Variants in PLEKHF2 observed in about 807,000 individuals in gnomAD.
The protein encoded by PLEKHF2 is pleckstrin homology domain-containing family F member 2.
PLEKHF2 carries 4 observed loss-of-function variants against 14.7 expected under a neutral mutation model. The ratio of observed to expected loss-of-function variants is 0.27; its 90% CI spans 0.13 to 0.62. The LOEUF is 0.62. Ranked by LOEUF, PLEKHF2 falls within the 20% of genes least tolerant of loss-of-function variation. PLEKHF2 has a pLI of 0.85. For missense variants in PLEKHF2, 201 were observed against 307.7 expected (o/e 0.65, Z 2.60); for synonymous variants, 90 against 103.5 (o/e 0.87, Z 0.79).
At chr8:95,134,080 G>A (rs1324271642) in intron 1 of PLEKHF2, 50 bp downstream of exon 1, 2 of 151,792 alleles carry the variant, frequency 1.3e-5, no homozygotes, top group African/African-American at 4.8e-5. Flanking sequence ...GGGCCGGGAG[G>A]GGAGACGCGA....
intron 1 of PLEKHF2, among the ~76,000 whole-genome samples, chr8:95,146,778 C>G (rs1810504990): frequency 6.6e-6 from 1 of 151,398 alleles, no homozygotes; most frequent in Admixed American, 6.6e-5. Context: ...TGTGAATTAA[C>G]ACTGCCAGGC....
chr8:95,151,334 AT>A (rs1810561381), intron 1 of PLEKHF2, among the ~76,000 whole-genome samples: 1 of 151,986 alleles, frequency 6.6e-6, no homozygotes, highest in African/African-American at 2.4e-5. Context: ...TCAGTAGTTG[AT>A]TCAGGTGGAG....
intron 1 of PLEKHF2, among the ~76,000 whole-genome samples, chr8:95,153,266 A>C (rs1810581203): frequency 6.6e-6 from 1 of 152,138 alleles, no homozygotes; most frequent in Non-Finnish European, 1.5e-5. Context: ...CGATTACCTA[A>C]ACTAAGTCTC....
intron 1 of PLEKHF2, among the ~76,000 whole-genome samples, chr8:95,153,689 T>C (rs1399248488): frequency 6.6e-6 from 1 of 152,218 alleles, no homozygotes; most frequent in Non-Finnish European, 1.5e-5. Context: ...CCCATTGAGA[T>C]TACATTTCAT....
At chr8:95,137,225 C>T (rs1587302783) in intron 1 of PLEKHF2, among the ~76,000 whole-genome samples, 1 of 152,144 alleles carries the variant, frequency 6.6e-6, no homozygotes, top group Non-Finnish European at 1.5e-5. Context: ...GTGAGGGTCA[C>T]CCAAGATTCG....
At chr8:95,146,544 C>A (rs1176962243) in intron 1 of PLEKHF2, among the ~76,000 whole-genome samples, 1 of 143,280 alleles carries the variant, frequency 7.0e-6, no homozygotes, top group East Asian at 2.0e-4. Context: ...TTTTTATCTT[C>A]TAGTATTACA....
chr8:95,146,024 G>A (rs925469604), intron 1 of PLEKHF2, among the ~76,000 whole-genome samples: 10 of 151,844 alleles, frequency 6.6e-5, no homozygotes, highest in African/African-American at 2.2e-4. Context: ...TTACATTTTC[G>A]GTAAAGTTTC....
intron 1 of PLEKHF2, among the ~76,000 whole-genome samples, chr8:95,145,524 A>C (rs952063855): frequency 6.6e-6 from 1 of 151,916 alleles, no homozygotes; most frequent in Non-Finnish European, 1.5e-5. Context: ...CTCGGGTTCA[A>C]GCCATTCTCC....
chr8:95,149,119 T>G (rs1810532042), intron 1 of PLEKHF2, among the ~76,000 whole-genome samples: 1 of 152,126 alleles, frequency 6.6e-6, no homozygotes, highest in Non-Finnish European at 1.5e-5. Flanking sequence ...AATAAACACA[T>G]TAGAAAATCA....
chr8:95,134,095 T>C (rs1391109196), intron 1 of PLEKHF2, 65 bp downstream of exon 1: 5 of 148,670 alleles, frequency 3.4e-5, no homozygotes, highest in Admixed American at 6.7e-5. Flanking sequence ...ACGCGAAACT[T>C]TCCGGGCGCT....
chr8:95,135,445 C>G (rs1478477222), intron 1 of PLEKHF2, among the ~76,000 whole-genome samples: 1 of 151,936 alleles, frequency 6.6e-6, no homozygotes, highest in Non-Finnish European at 1.5e-5. Flanking sequence ...TGTCTGTCGC[C>G]CAGGCTGGAG....
At chr8:95,144,500 A>G (rs757888574) in intron 1 of PLEKHF2, among the ~76,000 whole-genome samples, 5 of 152,172 alleles carry the variant, frequency 3.3e-5, no homozygotes, top group African/African-American at 7.2e-5. Context: ...AATACATAAT[A>G]TAGGTCCATA....
At chr8:95,145,590 A>AT (rs1225298388) in intron 1 of PLEKHF2, among the ~76,000 whole-genome samples, 2 of 151,828 alleles carry the variant, frequency 1.3e-5, no homozygotes, top group African/African-American at 4.8e-5. Context: ...CGCCTGGCTA[A>AT]TTTTTTTGTG....
chr8:95,134,675 G>A (rs993092044), intron 1 of PLEKHF2, among the ~76,000 whole-genome samples: 5 of 152,186 alleles, frequency 3.3e-5, no homozygotes, highest in Non-Finnish European at 4.4e-5. Context: ...CCGAGAGCGC[G>A]CTGCCGGTGT....
chr8:95,152,158 A>C (rs1810571272), intron 1 of PLEKHF2, among the ~76,000 whole-genome samples: 1 of 152,076 alleles, frequency 6.6e-6, no homozygotes, highest in African/African-American at 2.4e-5. Flanking sequence ...CCCCACCTAA[A>C]GATCTTGAGC....
rs1810601014 is a variant in PLEKHF2, at chr8:95,154,976, A to G, written c.*182A>G. ...GTCCCCCTGCCTTCTCCCACTCCTC[A>G]CACTCTTCTACAGGGATAGGCTTTT... On this transcript the variant is annotated 3_prime_UTR_variant, in exon 2 of 2. Coordinates refer to ENST00000315367, the MANE Select transcript of PLEKHF2 (RefSeq NM_024613.4). The surrounding 1 kb of genome is among the most constrained non-coding windows in gnomAD (Gnocchi z 5.6). 4 of 654,638 alleles carry G rather than the reference A, an allele frequency of 6.1e-6. No individual in the cohort carries two copies. In the South Asian group the frequency reaches 8.4e-5, roughly 14 times the overall value. 40.6% of individuals were successfully genotyped at this position (654,638 alleles called of 1,614,324 possible). A position where few individuals can be genotyped will look rare whatever the true frequency, so the allele number is the denominator to read the frequency against.
chr8:95,154,596 G>T lies in PLEKHF2; in HGVS notation c.552G>T (p.Gly184=). ...HCRKCGFVVC[G]PCSEKRFLLP... ...GCAAATGTGGTTTTGTTGTCTGTGG[G>T]CCCTGCTCTGAAAAGAGATTTCTTC... Residue 184 remains glycine (G), a synonymous_variant, in exon 2 of 2, where the codon GGG becomes GGT. Coordinates refer to ENST00000315367, the MANE Select transcript of PLEKHF2 (RefSeq NM_024613.4). The surrounding 1 kb of genome is among the most constrained non-coding windows in gnomAD (Gnocchi z 5.6). 1 of 1,614,098 alleles carries T rather than the reference G, an allele frequency of 6.2e-7. No individual in the cohort carries two copies. Among genetic ancestry groups the T allele is most frequent in the Non-Finnish European group, 8.5e-7 (1 of 1,180,002 alleles).
chr8:95,156,665 T>TA lies in PLEKHF2; in HGVS notation c.*1877dup, dbSNP rs1810623705. The TA allele has an allele frequency of 1.2e-5, 2 of 167,082 alleles. No homozygotes were observed. The highest frequency in any genetic ancestry group is 6.5e-5 in the Admixed American group (1 of 15,310). 10.3% of individuals were successfully genotyped at this position (167,082 alleles called of 1,614,324 possible). On this transcript the variant is annotated 3_prime_UTR_variant, in exon 2 of 2. Transcript: ENST00000315367. ...ACCTTTATTGACTTTGTTTTTACAA[T>TA]AAAAAATATTTTACAACTTACTTTC...
At chr8:95,145,462 T>C (rs1262151520) in intron 1 of PLEKHF2, among the ~76,000 whole-genome samples, 1 of 151,792 alleles carries the variant, frequency 6.6e-6, no homozygotes, top group African/African-American at 2.4e-5. Context: ...TTCTTTGAGA[T>C]GGAGTGTTGC....
Sources: allele counts gnomAD v4.1 joint callset (sites outside exome capture counted in the v4.1 genomes callset), GRCh38; gene constraint gnomAD v4.1.1; non-coding constraint Gnocchi (gnomAD v3.1); transcripts MANE v1.5; gene names NCBI Gene and HGNC (gene_info 2026-07-23, HGNC 2026-07-21).